Variants in PPP1R3F observed in about 807,000 individuals in gnomAD.
The protein encoded by PPP1R3F is protein phosphatase 1 regulatory subunit 3F.
In PPP1R3F, 29 loss-of-function variants were observed where a neutral mutation model predicts 24.2. That is an observed-to-expected ratio of 1.20 (90% CI 0.89 to 1.63). The LOEUF (loss-of-function observed/expected upper bound fraction) is 1.63, where lower values mean the gene tolerates loss of function less well. Among genes scored for constraint, PPP1R3F ranks in the 40% most tolerant of loss-of-function variants. PPP1R3F has a pLI of 0.00. For missense variants in PPP1R3F, 823 were observed against 729.3 expected, an observed-to-expected ratio of 1.13 and a Z score of -1.48; for synonymous variants, 363 against 340.1, an observed-to-expected ratio of 1.07 and a Z score of -0.74.
chrX:49,281,050 A>G (rs1236399444), intron 1 of PPP1R3F: 4 of 167,542 alleles, frequency 2.4e-5, no homozygotes, highest in African/African-American at 1.2e-4. Flanking sequence ...GCAAAAGTGT[A>G]TAATGATGTT....
chrX:49,294,774 G>A (rs1296351874), intron 3 of PPP1R3F, among the ~76,000 whole-genome samples: 2 of 108,894 alleles, frequency 1.8e-5, no homozygotes, highest in Non-Finnish European at 3.8e-5. Flanking sequence ...GCCAGGCGTG[G>A]TGGCAGGCGC....
intron 1 of PPP1R3F, among the ~76,000 whole-genome samples, chrX:49,276,609 A>G (rs1322885181): frequency 8.9e-6 from 1 of 112,609 alleles, no homozygotes; most frequent in Non-Finnish European, 1.9e-5. Context: ...TCAGTTATTT[A>G]TATGTCTGTT....
intron 3 of PPP1R3F, among the ~76,000 whole-genome samples, chrX:49,294,209 T>G (rs2147979195): frequency 9.2e-6 from 1 of 109,289 alleles, no homozygotes; most frequent in African/African-American, 3.3e-5. Context: ...CCATTGTGCC[T>G]CCCCTTAGAG....
At chrX:49,294,024 A>T in intron 3 of PPP1R3F, among the ~76,000 whole-genome samples, 1 of 111,784 alleles carries the variant, frequency 8.9e-6, no homozygotes, top group Non-Finnish European at 1.9e-5. Context: ...CCAAACAAGC[A>T]AAACCCCACA....
At position 49,286,252 on chromosome X, in the gene PPP1R3F, C is replaced by T. The variant is rs782801219; in HGVS notation, c.1562C>T (p.Ser521Phe). Reference sequence around the variant, plus strand: ...GAGGGCTCCACAGATGGAGGGATGTCCCCCAGCCATCCCCTGGGCATACTG... The same window carrying T: ...GAGGGCTCCACAGATGGAGGGATGTTCCCCAGCCATCCCCTGGGCATACTG... ...GGEGSTDGGM[S>F]PSHPLGILTD... Residue 521 changes from serine (S) to phenylalanine (F), a missense_variant, in exon 4 of 4, where the codon TCC becomes TTC. Coordinates refer to ENST00000055335, the MANE Select transcript of PPP1R3F (RefSeq NM_033215.5). The T allele has an allele frequency of 4.1e-6, 5 of 1,208,747 alleles. No individual in the cohort carries two copies. In the African/African-American group the frequency reaches 8.7e-5, roughly 21 times the overall value.
At chrX:49,284,509 C>CTTTTTTTTTTTTTTT (rs145170789) in intron 3 of PPP1R3F, among the ~76,000 whole-genome samples, 5 of 50,857 alleles carry the variant, frequency 9.8e-5, no homozygotes, top group Non-Finnish European at 1.8e-4. Context: ...CTTTTTCTTT[C>CTTTTTTTTTTTTTTT]TTTTTTTTTT....
At chrX:49,299,168 G>C (rs2066330856) in intron 3 of PPP1R3F, among the ~76,000 whole-genome samples, 1 of 111,522 alleles carries the variant, frequency 9.0e-6, no homozygotes, top group Admixed American at 9.5e-5. Flanking sequence ...CTTTGATGTT[G>C]GTGACCTTCA....
At chrX:49,276,285 G>A (rs1458175891) in intron 1 of PPP1R3F, among the ~76,000 whole-genome samples, 9 of 112,489 alleles carry the variant, frequency 8.0e-5, no homozygotes, top group Non-Finnish European at 1.7e-4. Context: ...ACTGTTAAGT[G>A]CTTTATAGGT....
In PPP1R3F at chrX:49,270,547, C is replaced by T; in HGVS notation, c.678C>T (p.Pro226=). The change falls in exon 1 of 4, where the codon CCC becomes CCT. Residue 226 remains proline, a synonymous_variant. Coordinates refer to ENST00000055335, the MANE Select transcript of PPP1R3F (RefSeq NM_033215.5). Reference sequence around the variant, plus strand: ...TGGATCCGGGGCTCGGCCTGGGTCCCGGCCAGGCATCCGCCTCCTCGCCCG... The same window carrying T: ...TGGATCCGGGGCTCGGCCTGGGTCCTGGCCAGGCATCCGCCTCCTCGCCCG... ...PILDPGLGLG[P]GQASASSPDD... The T allele has an allele frequency of 5.8e-6, 7 of 1,204,117 alleles. No homozygotes were observed. Among genetic ancestry groups the T allele is most frequent in the Non-Finnish European group, 7.8e-6 (7 of 894,165 alleles).
intron 1 of PPP1R3F, among the ~76,000 whole-genome samples, chrX:49,271,327 G>A (rs979669885): frequency 8.9e-6 from 1 of 112,135 alleles, no homozygotes; most frequent in African/African-American, 3.2e-5. Flanking sequence ...CGGTGGGGAG[G>A]TGGGGGAGAG....
In PPP1R3F at chrX:49,269,848, C is replaced by T; in HGVS notation, c.-22C>T. The T allele has an allele frequency of 4.5e-6, 4 of 881,153 alleles. No individual in the cohort carries two copies. The highest frequency in any genetic ancestry group is 5.6e-6 in the Non-Finnish European group (4 of 717,948). The allele number at this position is 881,153 out of a possible 1,213,427, so 72.6% of individuals were successfully genotyped here. On this transcript the variant is annotated 5_prime_UTR_variant, in exon 1 of 4. Coordinates refer to ENST00000055335, the MANE Select transcript of PPP1R3F (RefSeq NM_033215.5). ...CCGCCGGTCCCGCCGCCGGTGCCGT[C>T]GGTGCCGCCGCCGCCGCCGATATGG...
chrX:49,278,315 C>A (rs1338327403), intron 1 of PPP1R3F, among the ~76,000 whole-genome samples: 1 of 112,111 alleles, frequency 8.9e-6, no homozygotes, highest in African/African-American at 3.2e-5. Flanking sequence ...TGTCTGTGGG[C>A]CTTCTTGAAG....
chrX:49,291,288 T>TCTCTCTCTCTCTCTCTCTC (rs2066307550), downstream of PPP1R3F, among the ~76,000 whole-genome samples: 5 of 50,612 alleles, frequency 9.9e-5, no homozygotes, highest in Admixed American at 4.1e-4. Context: ...CAGCCTACTT[T>TCTCTCTCTCTCTCTCTCTC]TCTCTCTCTC....
In PPP1R3F at chrX:49,270,546, C is replaced by T. The variant is rs1377394012; in HGVS notation, c.677C>T (p.Pro226Leu). ...CTGGATCCGGGGCTCGGCCTGGGTC[C>T]CGGCCAGGCATCCGCCTCCTCGCCC... ...PILDPGLGLG[P>L]GQASASSPDD... Residue 226 changes from proline to leucine, a missense_variant, in exon 1 of 4, where the codon CCC (proline) becomes CTC (leucine). Coordinates refer to ENST00000055335, the MANE Select transcript of PPP1R3F (RefSeq NM_033215.5). 2.6e-5 allele frequency: 31 copies of T among 1,203,215 alleles called. No individual in the cohort carries two copies. The highest frequency in any genetic ancestry group is 3.5e-5 in the African/African-American group (2 of 57,611).
chrX:49,301,251 T>C, intron 3 of PPP1R3F: 1 of 396,138 alleles, frequency 2.5e-6, no homozygotes, highest in South Asian at 2.6e-5. Flanking sequence ...TTTTTGTCTA[T>C]TTAATAAAAC....
intron 1 of PPP1R3F, chrX:49,273,976 C>T (rs1460309960): frequency 8.9e-6 from 1 of 112,633 alleles, no homozygotes; most frequent in African/African-American, 3.2e-5. Flanking sequence ...TGCTAGGTTC[C>T]AGCAGGGAAA....
chrX:49,295,781 A>G (rs1413877852), intron 3 of PPP1R3F, among the ~76,000 whole-genome samples: 1 of 110,009 alleles, frequency 9.1e-6, no homozygotes, highest in Non-Finnish European at 1.9e-5. Context: ...TTTAAAAAAG[A>G]CTTTTTTTTT....
At chrX:49,281,572 G>A in intron 2 of PPP1R3F, 111 bp downstream of exon 2, 1 of 613,129 alleles carries the variant, frequency 1.6e-6, no homozygotes. Flanking sequence ...GCTCATGCCT[G>A]TAATCCCAGC....
Position 49,269,860 on chromosome X carries a change from C to G in PPP1R3F, c.-10C>G. The G allele has an allele frequency of 1.6e-5, 14 of 890,076 alleles. No individual in the cohort carries two copies. Among genetic ancestry groups the G allele is most frequent in the Non-Finnish European group, 1.9e-5 (14 of 724,640 alleles). 73.4% of individuals were successfully genotyped at this position (890,076 alleles called of 1,213,427 possible). On this transcript the variant is annotated 5_prime_UTR_variant, in exon 1 of 4. Transcript: ENST00000055335. ...CCGCCGGTGCCGTCGGTGCCGCCGC[C>G]GCCGCCGATATGGCGCGTACGGCCC...
Sources: allele counts gnomAD v4.1 joint callset (sites outside exome capture counted in the v4.1 genomes callset), GRCh38; gene constraint gnomAD v4.1.1; transcripts MANE v1.5; gene names NCBI Gene and HGNC (gene_info 2026-07-23, HGNC 2026-07-21).